The following MYOF variants were observed in gnomAD, a reference collection of about 807,000 sequenced individuals.
MYOF encodes myoferlin.
MYOF carries 244 observed loss-of-function variants against 284.2 expected under a neutral mutation model. That is an observed-to-expected ratio of 0.86 (90% CI 0.77 to 0.95). The LOEUF (loss-of-function observed/expected upper bound fraction) is 0.95. Among genes scored for constraint, MYOF ranks in the 40% least tolerant of loss-of-function variants. The pLI is 0.00. For missense variants in MYOF, 2,496 were observed against 2,560.6 expected (o/e 0.97, Z 0.54); for synonymous variants, 904 against 919.7 (o/e 0.98, Z 0.31).
chr10:93,371,458 T>C (rs1330532525), intron 24 of MYOF, among the ~76,000 whole-genome samples: 4 of 152,218 alleles, frequency 2.6e-5, no homozygotes, highest in African/African-American at 9.6e-5. Context: ...AGAATCCAGT[T>C]ATGTTTCTGT....
intron 27 of MYOF, among the ~76,000 whole-genome samples, chr10:93,362,199 C>A (rs970599445): frequency 1.3e-5 from 2 of 151,710 alleles, no homozygotes; most frequent in South Asian, 4.2e-4. Flanking sequence ...CTGCCCACCT[C>A]GGCCTCCCAA....
Position 93,369,481 on chromosome 10 carries a change from A to G in MYOF, c.2589+164T>C, listed in dbSNP as rs1263329059. On this transcript the variant is annotated intron_variant, in intron 25 of 53. Coordinates refer to ENST00000359263, the MANE Select transcript of MYOF (RefSeq NM_013451.4). ...ATGTTGACTATAAAATCTCAGGAGC[A>G]TCTTCTCTTATCCCTTAGGTTAAGA... Among the ~76,000 whole-genome samples the G allele has an allele frequency of 6.6e-5, 10 of 152,308 alleles. No individual in the cohort carries two copies. The East Asian group carries it at 1.7e-3, about 26-fold the overall frequency.
intron 1 of MYOF, among the ~76,000 whole-genome samples, chr10:93,477,249 T>A (rs1169118568): frequency 6.6e-6 from 1 of 152,070 alleles, no homozygotes; most frequent in Non-Finnish European, 1.5e-5. Flanking sequence ...CTCAGCACTT[T>A]GGGAGGCCGA....
intron 28 of MYOF, among the ~76,000 whole-genome samples, chr10:93,361,010 CG>C (rs1424336242): frequency 6.6e-6 from 1 of 152,160 alleles, no homozygotes; most frequent in African/African-American, 2.4e-5. Context: ...TAGTCACAGA[CG>C]GTACCACATG....
At chr10:93,370,922 T>C (rs1845558455) in intron 24 of MYOF, among the ~76,000 whole-genome samples, 1 of 152,224 alleles carries the variant, frequency 6.6e-6, no homozygotes, top group Non-Finnish European at 1.5e-5. Flanking sequence ...AATAACTCTT[T>C]ATTTGTTGGT....
Position 93,414,398 on chromosome 10 carries a change from G to T in MYOF, c.434-4659C>A, listed in dbSNP as rs544604885. Among the ~76,000 whole-genome samples the T allele has an allele frequency of 7.9e-5, 12 of 152,226 alleles. No individual in the cohort carries two copies. In the South Asian group the frequency reaches 2.5e-3, roughly 32 times the overall value. On this transcript the variant is annotated intron_variant, in intron 5 of 53. Transcript: ENST00000359263. The stretch of plus-strand genomic sequence containing the variant: ...CTAAAAATATTAAAAAATTAGCCAG[G>T]TGTGGTGGCGTGCACCTGTGGTCCC...
At chr10:93,476,245 C>CTT (rs67108011) in intron 1 of MYOF, among the ~76,000 whole-genome samples, 8,586 of 65,036 alleles carry the variant, frequency 0.13, 1,161 homozygotes, top group East Asian at 0.44. Context: ...CTTCCCCATT[C>CTT]TTTTTTTTTT....
intron 5 of MYOF, among the ~76,000 whole-genome samples, chr10:93,412,928 G>A (rs1847965714): frequency 1.3e-5 from 2 of 152,098 alleles, no homozygotes; most frequent in African/African-American, 4.8e-5. Flanking sequence ...ACCTGTCCTG[G>A]ACCGAGCAAT....
chr10:93,396,364 G>T, intron 15 of MYOF, 140 bp from the exon 16 acceptor site: 1 of 570,826 alleles, frequency 1.8e-6, no homozygotes, highest in Non-Finnish European at 2.9e-6. Flanking sequence ...ACGTCTAGTG[G>T]GCCTCAAACT....
chr10:93,439,844 G>A (rs184034085), intron 3 of MYOF, among the ~76,000 whole-genome samples: 160 of 152,298 alleles, frequency 1.1e-3, no homozygotes, highest in African/African-American at 3.6e-3. Flanking sequence ...AGGGGGCTGG[G>A]CAGGTGGGCA....
rs998893870 is a variant in MYOF at position 93,326,091 on chromosome 10, A to G, written c.5132-126T>C. On this transcript the variant is annotated intron_variant, in intron 45 of 53. Coordinates refer to ENST00000359263, the MANE Select transcript of MYOF (RefSeq NM_013451.4). ...AATGGACAGGCAGTGCCAACATGCA[A>G]ACTTTGACTTGTGAAGGAAGAGTTG... 4.9e-6 allele frequency: 6 copies of G among 1,223,160 alleles called. No individual in the cohort carries two copies. In the South Asian group the frequency reaches 6.6e-5, roughly 13 times the overall value. 75.8% of individuals were successfully genotyped at this position (1,223,160 alleles called of 1,614,324 possible). A position where few individuals can be genotyped will look rare whatever the true frequency, so the allele number is the denominator to read the frequency against.
chr10:93,318,618 C>T (rs1257540610), intron 49 of MYOF, among the ~76,000 whole-genome samples: 5 of 151,988 alleles, frequency 3.3e-5, no homozygotes, highest in Non-Finnish European at 7.4e-5. Context: ...ATTAGCTGGG[C>T]GTGATGGTAC....
At chr10:93,414,437 G>A (rs903221631) in intron 5 of MYOF, among the ~76,000 whole-genome samples, 3 of 152,078 alleles carry the variant, frequency 2.0e-5, no homozygotes, top group Admixed American at 2.0e-4. Context: ...TACTTGGGAG[G>A]CTGAGGCAGG....
At chr10:93,347,291 G>A (rs1373123715) in intron 37 of MYOF, among the ~76,000 whole-genome samples, 2 of 151,040 alleles carry the variant, frequency 1.3e-5, no homozygotes, top group Non-Finnish European at 1.5e-5. Flanking sequence ...GGTGGCTCAC[G>A]CCTGTAATCC....
rs1845879260 is a variant in MYOF, at chr10:93,377,318, T to G, written c.2108+5A>C. ...AATTCTGAGATAGGCGTAAGATCAC[T>G]GTACCTCGTGTCTTCTATAACTTCA... On this transcript the variant is annotated splice_donor_5th_base_variant and intron_variant, in intron 22 of 53. Transcript: ENST00000359263. The G allele has an allele frequency of 6.2e-7, 1 of 1,609,388 alleles. No homozygotes were observed. The highest frequency in any genetic ancestry group is 8.5e-7 in the Non-Finnish European group (1 of 1,175,804).
rs1169147868 is a variant in MYOF at position 93,307,631 on chromosome 10, T to TC, written c.6148-631_6148-630insG. On this transcript the variant is annotated intron_variant, in intron 53 of 53. Coordinates refer to ENST00000359263, the MANE Select transcript of MYOF (RefSeq NM_013451.4). Reference sequence around the variant, plus strand: ...ACTGGTTTAAACCAATAGAATTTTTTTTTTTTTTTTGAGACGGAGTTTTGC... The same window carrying TC: ...ACTGGTTTAAACCAATAGAATTTTTTCTTTTTTTTTTGAGACGGAGTTTTGC... 3.3e-5 allele frequency among the ~76,000 whole-genome samples: 5 copies of TC among 151,008 alleles called. No homozygotes were observed. In the East Asian group the frequency reaches 8.0e-4, roughly 24 times the overall value.
chr10:93,312,024 G>T (rs1842412464), intron 51 of MYOF, among the ~76,000 whole-genome samples: 2 of 152,196 alleles, frequency 1.3e-5, no homozygotes, highest in Admixed American at 1.3e-4. Context: ...ATGGTTCAGT[G>T]AGTGTCTACA....
chr10:93,345,946 GC>G (rs1844167303), intron 37 of MYOF, among the ~76,000 whole-genome samples: 1 of 152,124 alleles, frequency 6.6e-6, no homozygotes, highest in Non-Finnish European at 1.5e-5. Flanking sequence ...TGATTCTGGG[GC>G]CAGAGAAAGC....
intron 3 of MYOF, among the ~76,000 whole-genome samples, chr10:93,447,063 A>G (rs1213507783): frequency 6.6e-6 from 1 of 152,164 alleles, no homozygotes; most frequent in African/African-American, 2.4e-5. Context: ...CAAGTGCAAC[A>G]TAGCTCAGCA....
Sources: allele counts gnomAD v4.1 joint callset (sites outside exome capture counted in the v4.1 genomes callset), GRCh38; gene constraint gnomAD v4.1.1; transcripts MANE v1.5; gene names NCBI Gene and HGNC (gene_info 2026-07-23, HGNC 2026-07-21).